SOX6: variants seen among roughly 807,000 people sequenced by gnomAD.
SOX6 encodes the protein transcription factor SOX-6.
Under a neutral mutation model 97.8 loss-of-function variants are expected in SOX6, and 11 were observed. The ratio of observed to expected loss-of-function variants is 0.11; its 90% confidence interval spans 0.07 to 0.19. SOX6 has a LOEUF of 0.19. Among genes scored for constraint, SOX6 ranks in the 10% least tolerant of loss-of-function variants. SOX6 has a pLI of 1.00. For missense variants in SOX6, 810 were observed against 1,039.5 expected, an observed-to-expected ratio of 0.78 and a Z score of 3.04; for synonymous variants, 360 against 371.4, an observed-to-expected ratio of 0.97 and a Z score of 0.35.
At chr11:16,246,383 A>G (rs965644727) in intron 3 of SOX6, among the ~76,000 whole-genome samples, 6 of 151,756 alleles carry the variant, frequency 4.0e-5, no homozygotes, top group Admixed American at 6.6e-5. Context: ...TCCATCTAGT[A>G]TTATTTTCTT....
chr11:16,606,491 CA>C (rs999506272), intron 4 of SOX6, among the ~76,000 whole-genome samples: 3 of 152,218 alleles, frequency 2.0e-5, no homozygotes, highest in Non-Finnish European at 4.4e-5. Context: ...CACGCAGCCA[CA>C]AAAGCTTCCT....
chr11:16,350,666 T>C (rs1856918893), intron 1 of SOX6, among the ~76,000 whole-genome samples: 1 of 152,196 alleles, frequency 6.6e-6, no homozygotes, highest in Admixed American at 6.6e-5. Flanking sequence ...AAACTTCTTG[T>C]CAGAGAACAT....
intron 6 of SOX6, among the ~76,000 whole-genome samples, chr11:16,138,137 C>A (rs1850023159): frequency 6.6e-6 from 1 of 152,120 alleles, no homozygotes; most frequent in Non-Finnish European, 1.5e-5. Context: ...GGGGCTTTGC[C>A]ATAGTTCTAC....
chr11:16,281,921 TA>T lies in SOX6; in HGVS notation c.445+36524del, dbSNP rs1854574848. On this transcript the variant is annotated intron_variant, in intron 3 of 15. Coordinates refer to ENST00000683767, the MANE Select transcript of SOX6 (RefSeq NM_001367873.1). ...AACGTTAACATAAAAGCAAGTTACA[TA>T]ATATTAGACAAGTTATATACACAAG... Among the ~76,000 whole-genome samples the T allele has an allele frequency of 2.0e-5, 3 of 150,458 alleles. No individual in the cohort carries two copies. The South Asian group carries it at 6.3e-4, about 31-fold the overall frequency.
At chr11:16,344,963 C>T (rs1856736972) in intron 1 of SOX6, among the ~76,000 whole-genome samples, 1 of 151,956 alleles carries the variant, frequency 6.6e-6, no homozygotes. Context: ...AAACTATCCT[C>T]GCTCATGGGA....
intron 6 of SOX6, among the ~76,000 whole-genome samples, chr11:16,152,064 A>G (rs907464062): frequency 6.6e-6 from 1 of 152,168 alleles, no homozygotes; most frequent in African/African-American, 2.4e-5. Context: ...TTGTTGATTT[A>G]CCACCAGGAT....
chr11:15,989,301 C>A, intron 13 of SOX6, 71 bp from the exon 14 acceptor site: 1 of 1,306,564 alleles, frequency 7.7e-7, no homozygotes, highest in African/African-American at 1.5e-5. Flanking sequence ...ACACAGCTTG[C>A]CGCCTGGGTC....
At chr11:16,408,758 C>T (rs1357890643) in intron 1 of SOX6, 1 of 151,534 alleles carries the variant, frequency 6.6e-6, no homozygotes, top group East Asian at 1.9e-4. Context: ...CACAGGCTGG[C>T]CTTGAACTCC....
chr11:16,722,686 T>C (rs73421127), intron 2 of SOX6, among the ~76,000 whole-genome samples: 3,584 of 151,144 alleles, frequency 0.024, 146 homozygotes, highest in African/African-American at 0.082. Flanking sequence ...ATGACACTTC[T>C]GAAAAGAAAA....
chr11:16,420,022 T>C (rs780159719), intron 1 of SOX6, among the ~76,000 whole-genome samples: 9 of 152,230 alleles, frequency 5.9e-5, no homozygotes, highest in Admixed American at 4.6e-4. Context: ...ATTCTGTTTT[T>C]AACATTAATT....
chr11:16,296,606 TG>T (rs1297836478), intron 3 of SOX6, among the ~76,000 whole-genome samples: 1 of 152,148 alleles, frequency 6.6e-6, no homozygotes, highest in Non-Finnish European at 1.5e-5. Flanking sequence ...TGGTATGTTT[TG>T]GTGAAAATGT....
chr11:16,530,034 T>G (rs1861217743), intron 4 of SOX6, among the ~76,000 whole-genome samples: 1 of 151,986 alleles, frequency 6.6e-6, no homozygotes, highest in Non-Finnish European at 1.5e-5. Context: ...TATCCAAAAT[T>G]TGTGATTGTA....
At chr11:16,532,388 A>G (rs578020994) in intron 4 of SOX6, among the ~76,000 whole-genome samples, 1 of 152,028 alleles carries the variant, frequency 6.6e-6, no homozygotes, top group African/African-American at 2.4e-5. Context: ...AATCTCTTCT[A>G]CACTGGGCTC....
chr11:16,535,374 G>A (rs1029111483), intron 4 of SOX6, among the ~76,000 whole-genome samples: 28 of 152,072 alleles, frequency 1.8e-4, no homozygotes, highest in African/African-American at 6.8e-4. Context: ...CTTTTTTGAA[G>A]CATGATTCAA....
chr11:16,608,599 GAAA>G (rs972082056), intron 4 of SOX6, among the ~76,000 whole-genome samples: 1 of 140,362 alleles, frequency 7.1e-6, no homozygotes. Flanking sequence ...AGGAGGCGTT[GAAA>G]AAAAAAAAAG....
At chr11:16,598,741 AT>A (rs1218366161) in intron 4 of SOX6, among the ~76,000 whole-genome samples, 7 of 151,898 alleles carry the variant, frequency 4.6e-5, no homozygotes, top group African/African-American at 1.7e-4. Flanking sequence ...TCTTTGTCTA[AT>A]TTTAAAGAAC....
chr11:16,302,170 T>C lies in SOX6; in HGVS notation c.445+16276A>G, dbSNP rs74547361. ...AGATTCCCCTGTATTTGCCCTTGCCTCTTTCCAACTGATAGTCAAAATGCC... is the reference window on the plus strand; with the variant it reads ...AGATTCCCCTGTATTTGCCCTTGCCCCTTTCCAACTGATAGTCAAAATGCC... On this transcript the variant is annotated intron_variant, in intron 3 of 15. Transcript: ENST00000683767. Among the ~76,000 whole-genome samples, 175 of 152,294 alleles carry C rather than the reference T, an allele frequency of 1.1e-3. 1 individual carries two copies. The East Asian group carries it at 0.033, about 29-fold the overall frequency.
At chr11:16,056,938 T>C (rs928454534) in intron 9 of SOX6, among the ~76,000 whole-genome samples, 3 of 152,122 alleles carry the variant, frequency 2.0e-5, no homozygotes, top group African/African-American at 4.8e-5. Flanking sequence ...AGATAAATAG[T>C]ACTTGAAGGT....
chr11:16,367,407 A>G (rs1272480670), intron 1 of SOX6, among the ~76,000 whole-genome samples: 1 of 152,170 alleles, frequency 6.6e-6, no homozygotes, highest in Non-Finnish European at 1.5e-5. Flanking sequence ...GACAGTATAC[A>G]TACTGAGATC....
Sources: gnomAD v4.1 joint callset for allele counts (sites outside exome capture counted in the v4.1 genomes callset) on GRCh38, gnomAD v4.1.1 for gene constraint, MANE v1.5 for transcripts, NCBI Gene and HGNC (gene_info 2026-07-23, HGNC 2026-07-21) for gene names.